The following PDE4D variants were observed in gnomAD, a reference collection of about 807,000 sequenced individuals.
PDE4D encodes the protein phosphodiesterase 4D.
Under a neutral mutation model 87.4 loss-of-function variants are expected in PDE4D, and 24 were observed. The ratio of observed to expected loss-of-function variants is 0.27; its 90% confidence interval spans 0.20 to 0.39. The LOEUF (loss-of-function observed/expected upper bound fraction) is 0.39, where lower values mean the gene tolerates loss of function less well. Ranked by LOEUF, PDE4D falls within the 10% of genes least tolerant of loss-of-function variation. The pLI is 1.00. For missense variants in PDE4D, 714 were observed against 1,041.0 expected (o/e 0.69, Z 4.32); for synonymous variants, 384 against 383.2 (o/e 1.00, Z -0.02).
chr5:60,306,837 G>C (rs1754540814), intron 1 of PDE4D, among the ~76,000 whole-genome samples: 1 of 151,858 alleles, frequency 6.6e-6, no homozygotes, highest in South Asian at 2.1e-4. Context: ...AGAAACAAAA[G>C]AAAAAGACTT....
Position 59,586,497 on chromosome 5 carries a change from T to A in PDE4D, c.455+306671A>T, listed in dbSNP as rs1206536912. On this transcript the variant is annotated intron_variant, in intron 1 of 14. Transcript: ENST00000340635. ...TCGTGGGCAATTATTGCAACAAGTA[T>A]TGAATCCCAAAAAAAAAAAAAAAAT... 59 of 1,300,438 alleles carry A rather than the reference T, an allele frequency of 4.5e-5. No homozygotes were observed. The Admixed American group carries it at 1.1e-3, about 25-fold the overall frequency. 80.6% of individuals were successfully genotyped at this position (1,300,438 alleles called of 1,614,324 possible).
In PDE4D at chr5:59,887,739, T is replaced by G. The variant is rs528295654; in HGVS notation, c.455+5429A>C. Among the ~76,000 whole-genome samples, 181 of 149,036 alleles carry G rather than the reference T, an allele frequency of 1.2e-3. 2 individuals are homozygous for G. Among genetic ancestry groups the G allele is most frequent in the East Asian group, 0.011 (56 of 5,088 alleles). On this transcript the variant is annotated intron_variant, in intron 1 of 14. Transcript: ENST00000340635. ...GCCATCAGTGTGTGTGTGTGTGTGT[T>G]TGTGTGTGTGTGTGTGTGTAAATGT...
At chr5:59,833,023 C>T (rs888199705) in intron 1 of PDE4D, among the ~76,000 whole-genome samples, 4 of 151,972 alleles carry the variant, frequency 2.6e-5, no homozygotes, top group Admixed American at 2.0e-4. Context: ...GTAGAAGCAG[C>T]AGTGGCAGTG....
At chr5:59,133,144 C>A (rs1279703889) in intron 5 of PDE4D, among the ~76,000 whole-genome samples, 1 of 152,116 alleles carries the variant, frequency 6.6e-6, no homozygotes, top group Admixed American at 6.5e-5. Context: ...AATGCTGTCA[C>A]ATGCATGAAA....
At chr5:59,410,681 T>G (rs1390566840) in intron 1 of PDE4D, among the ~76,000 whole-genome samples, 2 of 150,376 alleles carry the variant, frequency 1.3e-5, no homozygotes, top group Non-Finnish European at 3.0e-5. Flanking sequence ...CTCATTCTTT[T>G]TTTATGGCTG....
chr5:59,743,731 A>G (rs1040517192), intron 1 of PDE4D, among the ~76,000 whole-genome samples: 1 of 152,166 alleles, frequency 6.6e-6, no homozygotes. Context: ...CTTCTCTCAA[A>G]AGCAGACTCA....
chr5:59,596,174 G>A (rs920763316), intron 1 of PDE4D, among the ~76,000 whole-genome samples: 1 of 151,174 alleles, frequency 6.6e-6, no homozygotes, highest in Non-Finnish European at 1.5e-5. Flanking sequence ...AGTTAACAGA[G>A]TTAGGTATAA....
intron 2 of PDE4D, among the ~76,000 whole-genome samples, chr5:60,105,674 C>T (rs1490201880): frequency 6.6e-6 from 1 of 152,062 alleles, no homozygotes; most frequent in East Asian, 1.9e-4. Context: ...TTGGCAGAAA[C>T]TCTACAAGCC....
chr5:59,383,415 C>G (rs919815304), intron 1 of PDE4D, among the ~76,000 whole-genome samples: 1 of 152,114 alleles, frequency 6.6e-6, no homozygotes, highest in Non-Finnish European at 1.5e-5. Context: ...CCTCAAAGGG[C>G]CCTTTCTAAC....
At chr5:59,360,465 G>C (rs1297546472) in intron 1 of PDE4D, among the ~76,000 whole-genome samples, 1 of 152,146 alleles carries the variant, frequency 6.6e-6, no homozygotes, top group East Asian at 1.9e-4. Context: ...ATCTACTTCT[G>C]ATGAGGGTGT....
intron 1 of PDE4D, among the ~76,000 whole-genome samples, chr5:59,848,984 A>G (rs996254233): frequency 6.6e-6 from 1 of 152,072 alleles, no homozygotes; most frequent in African/African-American, 2.4e-5. Context: ...AAGGCTGCTC[A>G]AGGAAAGACA....
intron 5 of PDE4D, among the ~76,000 whole-genome samples, chr5:59,114,011 C>T (rs1042189165): frequency 6.6e-6 from 1 of 152,098 alleles, no homozygotes; most frequent in Non-Finnish European, 1.5e-5. Flanking sequence ...ATATTATATA[C>T]CCTTTTGGGG....
At chr5:59,610,634 C>T (rs1482492555) in intron 1 of PDE4D, among the ~76,000 whole-genome samples, 1 of 152,090 alleles carries the variant, frequency 6.6e-6, no homozygotes, top group African/African-American at 2.4e-5. Context: ...GGCAATGAAG[C>T]AAAGATGTGA....
At chr5:59,580,491 G>A (rs1022534093) in intron 1 of PDE4D, among the ~76,000 whole-genome samples, 5 of 151,986 alleles carry the variant, frequency 3.3e-5, no homozygotes, top group Non-Finnish European at 7.4e-5. Context: ...TTTTGAGACA[G>A]GGTCTTTCTG....
intron 2 of PDE4D, among the ~76,000 whole-genome samples, chr5:60,045,513 T>C (rs1355442612): frequency 6.6e-6 from 1 of 152,210 alleles, no homozygotes; most frequent in African/African-American, 2.4e-5. Context: ...ATTTAAGTCT[T>C]TAATCCATCT....
chr5:59,809,031 A>G (rs763833907), intron 1 of PDE4D, among the ~76,000 whole-genome samples: 1 of 152,164 alleles, frequency 6.6e-6, no homozygotes, highest in Non-Finnish European at 1.5e-5. Flanking sequence ...CCAGTGACAT[A>G]TCGAGTCACT....
intron 2 of PDE4D, among the ~76,000 whole-genome samples, chr5:59,199,975 TA>T (rs1322172008): frequency 1.3e-5 from 2 of 150,926 alleles, no homozygotes; most frequent in Admixed American, 6.6e-5. Flanking sequence ...GGCACATACA[TA>T]CATATATACA....
At chr5:60,320,499 T>C (rs916609465) in intron 1 of PDE4D, among the ~76,000 whole-genome samples, 2 of 152,144 alleles carry the variant, frequency 1.3e-5, no homozygotes, top group Admixed American at 6.5e-5. Flanking sequence ...CTGCACCCAC[T>C]TTCCGACACT....
At chr5:59,898,392 G>A (rs746797169), upstream of PDE4D, among the ~76,000 whole-genome samples, 9 of 152,104 alleles carry the variant, frequency 5.9e-5, no homozygotes, top group Non-Finnish European at 1.0e-4. Context: ...AAATAAATAA[G>A]CAACTATAAT....
Sources: gnomAD v4.1 joint callset for allele counts (sites outside exome capture counted in the v4.1 genomes callset) on GRCh38, gnomAD v4.1.1 for gene constraint, MANE v1.5 for transcripts, NCBI Gene and HGNC (gene_info 2026-07-23, HGNC 2026-07-21) for gene names.